TMEM117: variants seen among roughly 807,000 people sequenced by gnomAD.
The protein encoded by TMEM117 is transmembrane protein 117.
Under a neutral mutation model 52.4 loss-of-function variants are expected in TMEM117, and 27 were observed. The observed-to-expected ratio is 0.51, with a 90% CI of 0.38 to 0.71. The LOEUF is 0.71. TMEM117 is among the 30% of genes least tolerant of loss of function. The pLI is 0.00. For synonymous variants in TMEM117, 215 were observed against 206.3 expected (o/e 1.04, Z -0.36); for missense variants, 556 against 630.5 (o/e 0.88, Z 1.26).
At chr12:44,309,613 T>G (rs895660823) in intron 6 of TMEM117, among the ~76,000 whole-genome samples, 44 of 152,226 alleles carry the variant, frequency 2.9e-4, no homozygotes, top group African/African-American at 1.1e-3. Flanking sequence ...TAATATGTAC[T>G]GGGCACTGTC....
chr12:44,144,546 A>T (rs556314578), intron 4 of TMEM117, among the ~76,000 whole-genome samples: 5 of 152,304 alleles, frequency 3.3e-5, no homozygotes, highest in Admixed American at 1.3e-4. Context: ...GTAGGTAGGA[A>T]CAAAAGAGTT....
rs146379038 is a variant in TMEM117, at chr12:44,330,139, C to T, written c.768+30400C>T. On this transcript the variant is annotated intron_variant, in intron 6 of 7. Transcript: ENST00000266534. ...ATGCACAAGGGTTCCAATTTCTCCA[C>T]ATCCTCTCCAACACTGTTATTTTCT... is the stretch of plus-strand genomic sequence containing the variant. 1.3e-3 allele frequency among the ~76,000 whole-genome samples: 195 copies of T among 152,174 alleles called. 1 individual carries two copies. In the East Asian group the frequency reaches 0.016, roughly 13 times the overall value.
chr12:43,803,421 T>C, the TMEM117 span, among the ~76,000 whole-genome samples: 2 of 152,154 alleles, frequency 1.3e-5, no homozygotes, highest in African/African-American at 2.4e-5. Context: ...ATGCTTGAAG[T>C]AAATAAGATA....
Position 44,161,174 on chromosome 12 carries a change from A to G in TMEM117, c.510+17550A>G, listed in dbSNP as rs576084871. ...TCAATAGTTAACATAAACACAAATT[A>G]AACCCTGGAAGTTTGTGACTATAAT... On this transcript the variant is annotated intron_variant, in intron 4 of 7. Transcript: ENST00000266534. Among the ~76,000 whole-genome samples, 3 of 152,326 alleles carry G rather than the reference A, an allele frequency of 2.0e-5. 1 individual carries two copies. The highest frequency in any genetic ancestry group is 4.4e-5 in the Non-Finnish European group (3 of 68,018).
chr12:44,315,421 C>G (rs1278789332), intron 6 of TMEM117, among the ~76,000 whole-genome samples: 1 of 152,156 alleles, frequency 6.6e-6, no homozygotes, highest in Admixed American at 6.5e-5. Flanking sequence ...ACTGTTTTTG[C>G]TTCATCCAAG....
chr12:44,229,925 C>T (rs1483432833), intron 5 of TMEM117, among the ~76,000 whole-genome samples: 1 of 151,990 alleles, frequency 6.6e-6, no homozygotes, highest in Non-Finnish European at 1.5e-5. Context: ...TAACATAAAC[C>T]AAACTAACTT....
At chr12:44,316,437 G>C (rs566330006) in intron 6 of TMEM117, among the ~76,000 whole-genome samples, 4 of 152,248 alleles carry the variant, frequency 2.6e-5, no homozygotes, top group South Asian at 2.1e-4. Context: ...TAATATTTCA[G>C]CTGAGACATA....
At chr12:44,147,409 T>A (rs1292254716) in intron 4 of TMEM117, among the ~76,000 whole-genome samples, 1 of 152,146 alleles carries the variant, frequency 6.6e-6, no homozygotes, top group East Asian at 1.9e-4. Flanking sequence ...TCCAAGGACA[T>A]CATGATGGCA....
chr12:44,388,588 C>T lies in TMEM117; in HGVS notation c.1461C>T (p.Asn487=), dbSNP rs148485854. The T allele has an allele frequency of 6.2e-7, 1 of 1,613,514 alleles. No individual in the cohort carries two copies. Among genetic ancestry groups the T allele is most frequent in the South Asian group, 1.1e-5 (1 of 91,076 alleles). Residue 487 remains asparagine (N), a synonymous_variant, in exon 8 of 8, where the codon AAC becomes AAT. Transcript: ENST00000266534. ...AGTCTTCCCACCTAACCTCGGAAAA[C>T]TTGAGCTCACAGTTGAACGAATCTA... ...VYKSSHLTSE[N]LSSQLNESTS... is the part of the protein sequence containing the mutation.
At chr12:44,204,776 A>T (rs930131951) in intron 4 of TMEM117, among the ~76,000 whole-genome samples, 3 of 152,178 alleles carry the variant, frequency 2.0e-5, no homozygotes, top group African/African-American at 7.2e-5. Flanking sequence ...GATCTTCAAC[A>T]AAGTTGATAA....
At chr12:44,263,304 A>G (rs781045525) in intron 5 of TMEM117, among the ~76,000 whole-genome samples, 24 of 152,228 alleles carry the variant, frequency 1.6e-4, no homozygotes, top group Admixed American at 4.6e-4. Context: ...ACAATGAGAT[A>G]CCATCTCACG....
At chr12:44,060,676 CAT>C (rs1947125749) in intron 3 of TMEM117, among the ~76,000 whole-genome samples, 1 of 151,988 alleles carries the variant, frequency 6.6e-6, no homozygotes, top group Non-Finnish European at 1.5e-5. Context: ...TATTTTTAGA[CAT>C]ATAGAAATTT....
chr12:44,266,924 A>T lies in TMEM117; in HGVS notation c.609-32656A>T, dbSNP rs184713991. 2.5e-3 allele frequency among the ~76,000 whole-genome samples: 377 copies of T among 152,186 alleles called. 1 individual carries two copies. The highest frequency in any genetic ancestry group is 8.1e-3 in the African/African-American group (338 of 41,534). ...CTTGTCAGAAATCAATTGACCATGG[A>T]TGTATATATATGGGTTGCTTTTTGG... On this transcript the variant is annotated intron_variant, in intron 5 of 7. Transcript: ENST00000266534.
intron 2 of TMEM117, among the ~76,000 whole-genome samples, chr12:43,885,061 C>T (rs1253123362): frequency 6.6e-6 from 1 of 152,152 alleles, no homozygotes; most frequent in Non-Finnish European, 1.5e-5. Context: ...ATTCTAACTG[C>T]CTGCGCAATA....
chr12:43,917,262 G>T (rs1376092796), intron 2 of TMEM117, among the ~76,000 whole-genome samples: 2 of 151,292 alleles, frequency 1.3e-5, no homozygotes, highest in East Asian at 3.9e-4. Flanking sequence ...AAGGCGTGCT[G>T]TGGTGGCACG....
At chr12:44,143,667 A>C in intron 4 of TMEM117, 43 bp downstream of exon 4, 1 of 1,439,990 alleles carries the variant, frequency 6.9e-7, no homozygotes, top group Non-Finnish European at 9.7e-7. Context: ...ATCAAACGGA[A>C]GACATGTTCA....
chr12:44,267,520 TATG>T (rs1403994610), intron 5 of TMEM117, among the ~76,000 whole-genome samples: 1 of 152,218 alleles, frequency 6.6e-6, no homozygotes, highest in African/African-American at 2.4e-5. Flanking sequence ...TTATTATTTG[TATG>T]ATAAGAATAA....
At chr12:43,989,783 A>G (rs1451626088) in intron 3 of TMEM117, among the ~76,000 whole-genome samples, 1 of 152,084 alleles carries the variant, frequency 6.6e-6, no homozygotes, top group African/African-American at 2.4e-5. Context: ...ATTTTAATTT[A>G]TGCCTAAAAT....
the TMEM117 span, among the ~76,000 whole-genome samples, chr12:43,814,464 G>A: frequency 3.9e-5 from 6 of 152,136 alleles, no homozygotes; most frequent in Admixed American, 3.3e-4. Flanking sequence ...AACCCTGCTC[G>A]TCCTGGCCCT....
Sources: gnomAD v4.1 joint callset for allele counts (sites outside exome capture counted in the v4.1 genomes callset) on GRCh38, gnomAD v4.1.1 for gene constraint, MANE v1.5 for transcripts, NCBI Gene and HGNC (gene_info 2026-07-23, HGNC 2026-07-21) for gene names.